PPP1R9A: variants seen among roughly 807,000 people sequenced by gnomAD.
The protein encoded by PPP1R9A is neurabin-1.
PPP1R9A carries 59 observed loss-of-function variants against 141.9 expected under a neutral mutation model. The ratio of observed to expected loss-of-function variants is 0.42; its 90% CI spans 0.34 to 0.52. The LOEUF is 0.52. Ranked by LOEUF, PPP1R9A falls within the 20% of genes least tolerant of loss-of-function variation. PPP1R9A has a pLI of 0.10. For missense variants in PPP1R9A, 1,444 were observed against 1,611.9 expected, an observed-to-expected ratio of 0.90 and a Z score of 1.78; for synonymous variants, 500 against 569.7, an observed-to-expected ratio of 0.88 and a Z score of 1.74.
chr7:94,910,025 A>G lies in PPP1R9A; in HGVS notation c.-89A>G. The G allele has an allele frequency of 1.7e-6, 2 of 1,169,954 alleles. No individual in the cohort carries two copies. The highest frequency in any genetic ancestry group is 1.5e-5 in the South Asian group (1 of 65,786). 72.5% of individuals were successfully genotyped at this position (1,169,954 alleles called of 1,614,324 possible). A position where few individuals can be genotyped will look rare whatever the true frequency, so the allele number is the denominator to read the frequency against. On this transcript the variant is annotated 5_prime_UTR_variant, in exon 2 of 20. Transcript: ENST00000433360. The surrounding 1 kb of genome is among the most constrained non-coding windows in gnomAD (Gnocchi z 4.5). ...TTTGAGAGGTACTTTTCTTGACCCA[A>G]TACTGGTGATTAGAGAAGAGAGGTA...
At chr7:95,115,369 A>C (rs932119831) in intron 3 of PPP1R9A, among the ~76,000 whole-genome samples, 1 of 152,004 alleles carries the variant, frequency 6.6e-6, no homozygotes, top group Admixed American at 6.6e-5. Context: ...AAGAAACTAG[A>C]ATGATAACTA....
At chr7:95,102,486 C>T (rs1461446378) in intron 2 of PPP1R9A, among the ~76,000 whole-genome samples, 2 of 152,148 alleles carry the variant, frequency 1.3e-5, no homozygotes, top group Non-Finnish European at 2.9e-5. Context: ...TACCTTCTTG[C>T]ACATAAAAGC....
At chr7:95,141,652 C>G (rs1194815096) in intron 4 of PPP1R9A, among the ~76,000 whole-genome samples, 1 of 149,508 alleles carries the variant, frequency 6.7e-6, no homozygotes, top group East Asian at 2.0e-4. Flanking sequence ...TTTTTTTTAA[C>G]TAGAGAAACG....
intron 8 of PPP1R9A, among the ~76,000 whole-genome samples, chr7:95,231,384 C>T (rs1795916546): frequency 6.6e-6 from 1 of 151,954 alleles, no homozygotes. Context: ...TAAACTATAC[C>T]CTACAACAAA....
intron 2 of PPP1R9A, among the ~76,000 whole-genome samples, chr7:95,042,792 A>G (rs116145179): frequency 0.013 from 2,042 of 152,288 alleles, 49 homozygotes; most frequent in African/African-American, 0.047. Flanking sequence ...TGGTTTTTGT[A>G]TCATCTACAT....
intron 2 of PPP1R9A, among the ~76,000 whole-genome samples, chr7:95,027,390 C>T (rs900495659): frequency 1.6e-4 from 24 of 152,226 alleles, no homozygotes; most frequent in South Asian, 1.5e-3. Context: ...CACCCTGCTT[C>T]GGCTCGCCCC....
chr7:95,166,162 AAAAAG>A (rs1404937204), intron 5 of PPP1R9A, among the ~76,000 whole-genome samples: 1 of 151,638 alleles, frequency 6.6e-6, no homozygotes, highest in Non-Finnish European at 1.5e-5. Flanking sequence ...AAAAAAAAAA[AAAAAG>A]AAAGAAAATT....
chr7:95,282,697 T>C (rs889007645), intron 16 of PPP1R9A, among the ~76,000 whole-genome samples: 2 of 152,146 alleles, frequency 1.3e-5, no homozygotes, highest in East Asian at 1.9e-4. Context: ...GTGTAGACCA[T>C]GTGTAGGATG....
intron 4 of PPP1R9A, among the ~76,000 whole-genome samples, chr7:95,132,394 A>G (rs1214592390): frequency 1.3e-5 from 2 of 152,200 alleles, no homozygotes; most frequent in Non-Finnish European, 2.9e-5. Flanking sequence ...TTCATCATGA[A>G]GCAATATTAG....
intron 2 of PPP1R9A, among the ~76,000 whole-genome samples, chr7:95,013,116 A>G (rs114067914): frequency 0.014 from 2,108 of 152,258 alleles, 38 homozygotes; most frequent in African/African-American, 0.048. Context: ...TTCATGATAC[A>G]TGCAGACTCA....
At chr7:94,984,564 G>T (rs1476200179) in intron 2 of PPP1R9A, among the ~76,000 whole-genome samples, 3 of 152,068 alleles carry the variant, frequency 2.0e-5, no homozygotes, top group African/African-American at 4.8e-5. Context: ...TCTTGGGAGG[G>T]TGTATGTGTC....
intron 16 of PPP1R9A, among the ~76,000 whole-genome samples, chr7:95,278,040 G>A (rs1356141667): frequency 6.6e-6 from 1 of 152,174 alleles, no homozygotes; most frequent in East Asian, 1.9e-4. Flanking sequence ...AGTCTTCTAT[G>A]GAAATGAATT....
intron 5 of PPP1R9A, among the ~76,000 whole-genome samples, chr7:95,187,395 A>G (rs1378223559): frequency 4.6e-5 from 7 of 151,820 alleles, no homozygotes; most frequent in African/African-American, 1.7e-4. Flanking sequence ...GCTTATTCGG[A>G]TATTTTCTCT....
intron 2 of PPP1R9A, among the ~76,000 whole-genome samples, chr7:95,025,654 T>C (rs113019562): frequency 0.049 from 7,445 of 152,216 alleles, 718 homozygotes; most frequent in East Asian, 0.41. Flanking sequence ...CTGGATAAAA[T>C]CCTGAAGAGT....
intron 7 of PPP1R9A, among the ~76,000 whole-genome samples, chr7:95,216,942 C>A (rs371492079): frequency 5.9e-5 from 9 of 152,128 alleles, no homozygotes; most frequent in South Asian, 2.1e-4. Flanking sequence ...CTCTTTTCCT[C>A]ATTGAATACC....
chr7:95,115,593 T>C (rs547467897), intron 3 of PPP1R9A, among the ~76,000 whole-genome samples: 1 of 152,246 alleles, frequency 6.6e-6, no homozygotes, highest in East Asian at 1.9e-4. Context: ...TTTAAAATGC[T>C]AAATGAAATA....
chr7:95,124,889 T>C (rs1823291975), intron 4 of PPP1R9A, among the ~76,000 whole-genome samples: 1 of 152,162 alleles, frequency 6.6e-6, no homozygotes, highest in Admixed American at 6.5e-5. Flanking sequence ...GTATTCCTGT[T>C]TAAATGGCTT....
intron 4 of PPP1R9A, among the ~76,000 whole-genome samples, chr7:95,124,802 T>C (rs900897530): frequency 6.6e-6 from 1 of 152,168 alleles, no homozygotes; most frequent in African/African-American, 2.4e-5. Flanking sequence ...AGCAGACATG[T>C]ATACATAGAA....
chr7:94,926,012 G>C (rs1486836552), intron 2 of PPP1R9A, among the ~76,000 whole-genome samples: 1 of 151,946 alleles, frequency 6.6e-6, no homozygotes, highest in Non-Finnish European at 1.5e-5. Context: ...CATTTTTGTA[G>C]AGACAGAGTC....
Sources: allele counts gnomAD v4.1 joint callset (sites outside exome capture counted in the v4.1 genomes callset), GRCh38; gene constraint gnomAD v4.1.1; non-coding constraint Gnocchi (gnomAD v3.1); transcripts MANE v1.5; gene names NCBI Gene and HGNC (gene_info 2026-07-23, HGNC 2026-07-21).